Variants in ELP4 observed in about 807,000 individuals in gnomAD.
The protein encoded by ELP4 is elongator complex protein 4.
Under a neutral mutation model 48.9 loss-of-function variants are expected in ELP4, and 51 were observed. That is an observed-to-expected ratio of 1.04 (90% CI 0.83 to 1.32). The LOEUF (loss-of-function observed/expected upper bound fraction) is 1.32. Among genes scored for constraint, ELP4 ranks in the 40% most tolerant of loss-of-function variants. The pLI is 0.00. For synonymous variants in ELP4, 210 were observed against 189.2 expected, an observed-to-expected ratio of 1.11 and a Z score of -0.90; for missense variants, 519 against 514.6, an observed-to-expected ratio of 1.01 and a Z score of -0.08.
intron 1 of ELP4, 117 bp from the exon 2 acceptor site, chr11:31,519,939 G>A: frequency 1.2e-6 from 1 of 824,424 alleles, no homozygotes; most frequent in Non-Finnish European, 1.9e-6. Context: ...TTAAAATGTT[G>A]TTCACAACTA....
chr11:31,751,311 T>G lies in ELP4; in HGVS notation c.1144-32082T>G, dbSNP rs190309747. 2.6e-3 allele frequency among the ~76,000 whole-genome samples: 396 copies of G among 152,326 alleles called. 3 individuals carry two copies. The highest frequency in any genetic ancestry group is 9.2e-3 in the African/African-American group (381 of 41,568). On this transcript the variant is annotated intron_variant, in intron 9 of 9. Transcript: ENST00000640961. ...CAAGCCTCTACATATGTCCAGCACT[T>G]TTCCAACTTAAAAACTAATTTCAAA...
intron 9 of ELP4, among the ~76,000 whole-genome samples, chr11:31,679,503 G>A (rs570441348): frequency 9.9e-5 from 15 of 152,138 alleles, no homozygotes; most frequent in African/African-American, 1.7e-4. Flanking sequence ...TTCTCCCTAC[G>A]TTTTCCCTCT....
intron 9 of ELP4, among the ~76,000 whole-genome samples, chr11:31,706,070 T>C (rs1199833355): frequency 5.3e-5 from 8 of 152,124 alleles, no homozygotes; most frequent in African/African-American, 1.7e-4. Context: ...ATGAATATAA[T>C]ATTTTTAATA....
chr11:31,626,730 C>T (rs1250791302), intron 5 of ELP4, among the ~76,000 whole-genome samples: 1 of 151,788 alleles, frequency 6.6e-6, no homozygotes, highest in Non-Finnish European at 1.5e-5. Flanking sequence ...GTGTACTTGG[C>T]ATAGCAGTTC....
intron 9 of ELP4, among the ~76,000 whole-genome samples, chr11:31,732,188 C>T (rs1947204988): frequency 6.6e-6 from 1 of 152,106 alleles, no homozygotes; most frequent in African/African-American, 2.4e-5. Flanking sequence ...ATATAAATCA[C>T]TTTTAATTCT....
At chr11:31,729,954 C>T (rs185344101) in intron 9 of ELP4, among the ~76,000 whole-genome samples, 18 of 152,254 alleles carry the variant, frequency 1.2e-4, no homozygotes, top group Non-Finnish European at 1.8e-4. Context: ...GTGACATCTG[C>T]GAGATTGTAG....
intron 3 of ELP4, among the ~76,000 whole-genome samples, chr11:31,577,110 C>A (rs1268621886): frequency 6.6e-6 from 1 of 152,122 alleles, no homozygotes; most frequent in Non-Finnish European, 1.5e-5. Flanking sequence ...GATATCACCA[C>A]CGATCCCACA....
At chr11:31,701,447 A>C (rs1946519811) in intron 9 of ELP4, among the ~76,000 whole-genome samples, 1 of 151,920 alleles carries the variant, frequency 6.6e-6, no homozygotes, top group Admixed American at 6.6e-5. Flanking sequence ...TTAAAATAAG[A>C]TTTTTTATTA....
intron 9 of ELP4, among the ~76,000 whole-genome samples, chr11:31,713,763 A>G (rs866570984): frequency 1.3e-5 from 2 of 152,174 alleles, no homozygotes; most frequent in South Asian, 2.1e-4. Flanking sequence ...ATTTTTAACT[A>G]TTATAGAAAA....
At chr11:31,694,330 A>G (rs1384228975) in intron 9 of ELP4, among the ~76,000 whole-genome samples, 12 of 152,086 alleles carry the variant, frequency 7.9e-5, no homozygotes, top group Non-Finnish European at 2.9e-5. Context: ...AGCTTGAATT[A>G]ATTTTTGTAT....
At chr11:31,690,020 A>C (rs966240380) in intron 9 of ELP4, among the ~76,000 whole-genome samples, 1 of 152,152 alleles carries the variant, frequency 6.6e-6, no homozygotes, top group East Asian at 1.9e-4. Context: ...TCCTCTCATG[A>C]AGGAAGGAAA....
chr11:31,534,892 T>C (rs1225385640), intron 2 of ELP4, among the ~76,000 whole-genome samples: 1 of 152,190 alleles, frequency 6.6e-6, no homozygotes, highest in Non-Finnish European at 1.5e-5. Flanking sequence ...AGTTCCAAAG[T>C]TGAGTGAAGG....
At chr11:31,619,841 C>A (rs1019003278) in intron 5 of ELP4, among the ~76,000 whole-genome samples, 6 of 151,844 alleles carry the variant, frequency 4.0e-5, no homozygotes, top group Admixed American at 3.3e-4. Flanking sequence ...CCAAAAGGCC[C>A]CAGTGTGTGT....
intron 7 of ELP4, among the ~76,000 whole-genome samples, chr11:31,637,964 G>A (rs1321558798): frequency 6.6e-6 from 1 of 151,836 alleles, no homozygotes; most frequent in Non-Finnish European, 1.5e-5. Flanking sequence ...AGTATAATCT[G>A]TGGCAAGTTG....
intron 4 of ELP4, among the ~76,000 whole-genome samples, chr11:31,598,410 G>A (rs922968810): frequency 3.3e-5 from 5 of 150,950 alleles, no homozygotes; most frequent in African/African-American, 1.2e-4. Context: ...TTAGAGTCTG[G>A]TGTACCTGCC....
At chr11:31,751,728 C>A (rs943039164) in intron 9 of ELP4, among the ~76,000 whole-genome samples, 1 of 152,148 alleles carries the variant, frequency 6.6e-6, no homozygotes, top group Non-Finnish European at 1.5e-5. Flanking sequence ...ATGTCTAAAA[C>A]TTAATTAATC....
At chr11:31,750,296 G>GT (rs1308066084) in intron 9 of ELP4, among the ~76,000 whole-genome samples, 1 of 152,194 alleles carries the variant, frequency 6.6e-6, no homozygotes, top group Non-Finnish European at 1.5e-5. Flanking sequence ...ATCAGCCTCA[G>GT]TGTGGGTAGC....
intron 5 of ELP4, 37 bp from the exon 6 acceptor site, chr11:31,627,073 C>A (rs1554965677): frequency 2.6e-6 from 3 of 1,160,180 alleles, no homozygotes; most frequent in Non-Finnish European, 3.9e-6. Context: ...TATGTAATAA[C>A]CCATTTATGT....
intron 9 of ELP4, among the ~76,000 whole-genome samples, chr11:31,668,009 A>G (rs910753413): frequency 6.6e-6 from 1 of 152,108 alleles, no homozygotes; most frequent in African/African-American, 2.4e-5. Context: ...TCCCACAAGC[A>G]TTTATTTTCT....
Sources: allele counts gnomAD v4.1 joint callset (sites outside exome capture counted in the v4.1 genomes callset), GRCh38; gene constraint gnomAD v4.1.1; transcripts MANE v1.5; gene names NCBI Gene and HGNC (gene_info 2026-07-23, HGNC 2026-07-21).